SHBG: variants seen among roughly 807,000 people sequenced by gnomAD.
SHBG encodes sex hormone-binding globulin.
SHBG carries 37 observed loss-of-function variants against 41.9 expected under a neutral mutation model. That is an observed-to-expected ratio of 0.88 (90% CI 0.68 to 1.16). SHBG has a LOEUF of 1.16. SHBG is among the 50% of genes most tolerant of loss of function. SHBG has a pLI of 0.00. For synonymous variants in SHBG, 217 were observed against 205.8 expected (o/e 1.05, Z -0.47); for missense variants, 466 against 499.9 (o/e 0.93, Z 0.65).
At chr17:7,624,581 G>T (rs538494743), upstream of SHBG, among the ~76,000 whole-genome samples, 1 of 152,202 alleles carries the variant, frequency 6.6e-6, no homozygotes, top group East Asian at 1.9e-4. Context: ...TGCCTAGGCT[G>T]GTCTTGAACT....
chr17:7,624,305 T>C (rs555099777), upstream of SHBG, among the ~76,000 whole-genome samples: 1 of 152,102 alleles, frequency 6.6e-6, no homozygotes, highest in African/African-American at 2.4e-5. Context: ...TGGAGTGCGG[T>C]GGCACAATCT....
rs757498261 is a variant in SHBG, at chr17:7,630,481, G to C, written c.177G>C (p.Met59Ile). The C allele has an allele frequency of 3.7e-6, 6 of 1,614,090 alleles. No individual in the cohort carries two copies. In the South Asian group the frequency reaches 5.5e-5, roughly 15 times the overall value. ...CAGGACAAGAGCCTATCGCTGTCAT[G>C]ACCTTTGACCTCACCAAGATCACAA... Reference protein sequence around the residue: ...NGPGQEPIAVMTFDLTKITKT... With the variant: ...NGPGQEPIAVITFDLTKITKT... The change falls in exon 2 of 8, where the codon ATG (methionine) becomes ATC (isoleucine). Residue 59 changes from methionine (M) to isoleucine (I), a missense_variant. By Grantham distance (10) the Met-to-Ile change is conservative. Transcript: ENST00000380450. This position sits in a 1 kb window ranked among gnomAD's most constrained non-coding sequence, Gnocchi z 4.6.
At chr17:7,622,325 T>G (rs1469135460) in intron 1 of SHBG, among the ~76,000 whole-genome samples, 11 of 151,248 alleles carry the variant, frequency 7.3e-5, no homozygotes, top group Admixed American at 7.3e-4. Flanking sequence ...CAGGCTGGAG[T>G]GCAGTGGCTC....
intron 1 of SHBG, among the ~76,000 whole-genome samples, chr17:7,617,874 G>C (rs59524396): frequency 1.3e-5 from 2 of 152,004 alleles, no homozygotes; most frequent in Non-Finnish European, 2.9e-5. Flanking sequence ...ACTTGAGCTC[G>C]GGCGTTCAGG....
At chr17:7,629,184 G>A (rs1172917306), upstream of SHBG, among the ~76,000 whole-genome samples, 1 of 151,950 alleles carries the variant, frequency 6.6e-6, no homozygotes, top group Admixed American at 6.6e-5. Flanking sequence ...ATCAGCCTGG[G>A]CAACGTGGTG....
chr17:7,626,519 A>G (rs908366823), upstream of SHBG: 2 of 1,613,988 alleles, frequency 1.2e-6, no homozygotes, highest in Admixed American at 1.7e-5. Context: ...CTTCCGTCAG[A>G]TCTTGGGCTC....
At chr17:7,626,175 C>G, upstream of SHBG, 1 of 323,444 alleles carries the variant, frequency 3.1e-6, no homozygotes, top group Non-Finnish European at 5.6e-6. Flanking sequence ...GCGTGCGCGA[C>G]AGAGACTCTG....
At chr17:7,632,127 C>G (rs1240913198) in intron 6 of SHBG, 112 bp downstream of exon 6, 1 of 1,117,962 alleles carries the variant, frequency 8.9e-7, no homozygotes, top group Non-Finnish European at 1.3e-6. Flanking sequence ...GGGAACATAA[C>G]AAGACTGGCT....
intron 1 of SHBG, among the ~76,000 whole-genome samples, chr17:7,622,367 G>A (rs1371396663): frequency 6.6e-6 from 1 of 151,094 alleles, no homozygotes; most frequent in African/African-American, 2.4e-5. Flanking sequence ...CCACCTCCCG[G>A]GTTCAAGCAA....
chr17:7,629,500 G>GT (rs2072331525), upstream of SHBG, among the ~76,000 whole-genome samples: 1 of 152,112 alleles, frequency 6.6e-6, no homozygotes, highest in Non-Finnish European at 1.5e-5. Flanking sequence ...AGAGGCGGGG[G>GT]GCAGGTCCCT....
At position 7,630,284 on chromosome 17, in the gene SHBG, G is replaced by A; in HGVS notation, c.111+1G>A. 6.2e-7 allele frequency: 1 copy of A among 1,608,198 alleles called. No homozygotes were observed. ...CCTGAGACCTGTTCTCCCCACCCAG[G>A]TGCAGGAGCGGGACAGGGCACTCAG... On this transcript the variant is annotated splice_donor_variant, in intron 1 of 7. Coordinates refer to ENST00000380450, the MANE Select transcript of SHBG (RefSeq NM_001040.5). LOFTEE classifies it high-confidence loss of function. The surrounding 1 kb of genome is among the most constrained non-coding windows in gnomAD (Gnocchi z 4.6).
intron 1 of SHBG, among the ~76,000 whole-genome samples, chr17:7,622,185 A>C (rs1413000427): frequency 6.6e-6 from 1 of 150,962 alleles, no homozygotes; most frequent in African/African-American, 2.4e-5. Flanking sequence ...CATTAGCCTA[A>C]ATACCCTCCA....
chr17:7,631,798 C>T (rs2150969630), intron 5 of SHBG, 50 bp downstream of exon 5: 1 of 1,612,886 alleles, frequency 6.2e-7, no homozygotes, highest in Non-Finnish European at 8.5e-7. Context: ...CTCAGCCTGC[C>T]TCTGTCCCCC....
At chr17:7,627,795 G>A (rs748134999), upstream of SHBG, 6 of 788,374 alleles carry the variant, frequency 7.6e-6, no homozygotes, top group Non-Finnish European at 1.3e-5. This position sits in a 1 kb window ranked among gnomAD's most constrained non-coding sequence, Gnocchi z 4.8. Context: ...AGTGGAGCTG[G>A]GATTCCGGCG....
chr17:7,629,188 C>T (rs893973402), upstream of SHBG, among the ~76,000 whole-genome samples: 5 of 151,712 alleles, frequency 3.3e-5, no homozygotes, highest in South Asian at 2.1e-4. Flanking sequence ...GCCTGGGCAA[C>T]GTGGTGAAAT....
chr17:7,631,606 T>C lies in SHBG; in HGVS notation c.573T>C (p.Asp191=). The part of the protein sequence containing the change: ...NLRLPLVPAL[D]GCLRRDSWLD... ...CACTCCAGCTGGTTCCTGCCCTGGA[T>C]GGCTGCCTGCGCCGGGATTCCTGGC... The change falls in exon 5 of 8, where the codon GAT becomes GAC. Residue 191 remains aspartate (D), a synonymous_variant. Coordinates refer to ENST00000380450, the MANE Select transcript of SHBG (RefSeq NM_001040.5). 1 of 1,614,140 alleles carries C rather than the reference T, an allele frequency of 6.2e-7. No homozygotes were observed. Among genetic ancestry groups the C allele is most frequent in the African/African-American group, 1.3e-5 (1 of 75,042 alleles).
chr17:7,619,375 G>A (rs2909417), intron 1 of SHBG, among the ~76,000 whole-genome samples: 70,460 of 145,014 alleles, frequency 0.49, 17,840 homozygotes, highest in Middle Eastern at 0.67. Flanking sequence ...GGGCATTAAG[G>A]GTGAAACTCC....
upstream of SHBG, chr17:7,626,403 TGG>T (rs772540408): frequency 3.0e-5 from 48 of 1,603,932 alleles, no homozygotes; most frequent in Non-Finnish European, 4.0e-5. Flanking sequence ...CTTCAGCTGA[TGG>T]GGAAGGAGAA....
At chr17:7,619,771 A>G (rs1192404708) in intron 1 of SHBG, among the ~76,000 whole-genome samples, 1 of 151,954 alleles carries the variant, frequency 6.6e-6, no homozygotes, top group Non-Finnish European at 1.5e-5. Context: ...AGGTGGGATG[A>G]TAAGCAGATT....
Sources: gnomAD v4.1 joint callset for allele counts (sites outside exome capture counted in the v4.1 genomes callset) on GRCh38, gnomAD v4.1.1 for gene constraint, Gnocchi (gnomAD v3.1) non-coding constraint, MANE v1.5 for transcripts, NCBI Gene and HGNC (gene_info 2026-07-23, HGNC 2026-07-21) for gene names.